Variants in PCDHGB1 observed in about 807,000 individuals in gnomAD.
PCDHGB1 encodes protocadherin gamma-B1.
A neutral mutation model predicts 56.6 loss-of-function variants in PCDHGB1; 34 were observed. That is an observed-to-expected ratio of 0.60 (90% CI 0.46 to 0.80). The LOEUF (loss-of-function observed/expected upper bound fraction) is 0.80, where lower values mean the gene tolerates loss of function less well. Among genes scored for constraint, PCDHGB1 ranks in the 30% least tolerant of loss-of-function variants. The pLI, the probability that PCDHGB1 is intolerant of heterozygous loss-of-function variation, is 0.00. For synonymous variants in PCDHGB1, 561 were observed against 505.9 expected (o/e 1.11, Z -1.46); for missense variants, 1,278 against 1,204.6 (o/e 1.06, Z -0.90).
At chr5:141,362,069 C>T in intron 1 of PCDHGB1, 1 of 1,612,628 alleles carries the variant, frequency 6.2e-7, no homozygotes, top group African/African-American at 1.3e-5. Context: ...CTGCTGGTCG[C>T]TGTGCGTGAT....
rs200368368 is a variant in PCDHGB1 at position 141,371,922 on chromosome 5, C to T, written c.2409+19253C>T. 2.5e-4 allele frequency: 410 copies of T among 1,613,228 alleles called. No individual in the cohort carries two copies. The highest frequency in any genetic ancestry group is 3.3e-4 in the Non-Finnish European group (394 of 1,179,902). On this transcript the variant is annotated intron_variant, in intron 1 of 3. Transcript: ENST00000523390. ...GTCGTCCTACGTGTCCGTGAGCGCG[C>T]GGAGCGGGGTGGTGTTCGCGCAGCG...
intron 3 of PCDHGB1, among the ~76,000 whole-genome samples, chr5:141,510,089 C>G (rs2099879446): frequency 6.6e-6 from 1 of 152,136 alleles, no homozygotes; most frequent in African/African-American, 2.4e-5. Flanking sequence ...GCCTGGCACA[C>G]AGTAGGTGCT....
rs1011504923 is a variant in PCDHGB1, at chr5:141,408,109, C to A, written c.2409+55440C>A. ...GGATTGCCAGCTCCGAGACCCGGGA[C>A]TCCTCCTGTCCTGGGCCGAATGCTC... is the stretch of plus-strand genomic sequence containing the variant. On this transcript the variant is annotated intron_variant, in intron 1 of 3. Transcript: ENST00000523390. 6 of 1,445,662 alleles carry A rather than the reference C, an allele frequency of 4.2e-6. No homozygotes were observed. In the African/African-American group the frequency reaches 5.7e-5, roughly 14 times the overall value. 89.6% of individuals were successfully genotyped at this position (1,445,662 alleles called of 1,614,324 possible). A position where few individuals can be genotyped will look rare whatever the true frequency, so the allele number is the denominator to read the frequency against.
At position 141,350,393 on chromosome 5, in the gene PCDHGB1, G is replaced by C. The variant is rs551145874; in HGVS notation, c.133G>C (p.Val45Leu). The C allele has an allele frequency of 3.1e-6, 5 of 1,599,084 alleles. No individual in the cohort carries two copies. Among genetic ancestry groups the C allele is most frequent in the Middle Eastern group, 1.7e-4 (1 of 5,994 alleles). The change falls in exon 1 of 4, where the codon GTG (valine) becomes CTG (leucine). Residue 45 changes from valine (V) to leucine (L), a missense_variant. Transcript: ENST00000523390. ...AGAGGAGCTAGCCAACGGCTCACGG[G>C]TGGGGAAACTTGCCAAGGATCTGGG... Reference protein sequence around the residue: ...IPEELANGSRVGKLAKDLGLS... With the variant: ...IPEELANGSRLGKLAKDLGLS...
chr5:141,422,838 C>T (rs201218542), intron 1 of PCDHGB1: 182 of 1,614,252 alleles, frequency 1.1e-4, no homozygotes, highest in Middle Eastern at 1.6e-4. Context: ...TAGCACGTGA[C>T]AGCGGGGACC....
intron 1 of PCDHGB1, chr5:141,385,052 G>T (rs559398944): frequency 1.2e-6 from 2 of 1,614,152 alleles, no homozygotes; most frequent in South Asian, 2.2e-5. Context: ...AGGCTGCGGC[G>T]CTGGCACAAG....
intron 1 of PCDHGB1, chr5:141,365,030 G>T: frequency 1.2e-6 from 2 of 1,613,856 alleles, no homozygotes; most frequent in Non-Finnish European, 1.7e-6. Context: ...TACGGTCCTC[G>T]ACGCAAACGA....
In PCDHGB1 at chr5:141,491,727, G is replaced by C; in HGVS notation, c.2410-3080G>C. On this transcript the variant is annotated intron_variant, in intron 1 of 3. Transcript: ENST00000523390. This position sits in a 1 kb window ranked among gnomAD's most constrained non-coding sequence, Gnocchi z 6.9. ...TGAGGGGCTCGGCGCCGCCCCGGGC[G>C]ACCCCTGGGGGCGGCACTGGAGAAG... 6.2e-7 allele frequency: 1 copy of C among 1,604,916 alleles called. No individual in the cohort carries two copies. The highest frequency in any genetic ancestry group is 8.5e-7 in the Non-Finnish European group (1 of 1,176,284).
rs143779180 is a variant in PCDHGB1, at chr5:141,485,438, C to T, written c.2410-9369C>T. Reference sequence around the variant, plus strand: ...CAGCGGAGCCCTGCTCATCAAGAACCCAATCGACCGAGAGGCACTGTGTGG... The same window carrying T: ...CAGCGGAGCCCTGCTCATCAAGAACTCAATCGACCGAGAGGCACTGTGTGG... On this transcript the variant is annotated intron_variant, in intron 1 of 3. Transcript: ENST00000523390. This position sits in a 1 kb window ranked among gnomAD's most constrained non-coding sequence, Gnocchi z 5.7. 2.9e-5 allele frequency: 47 copies of T among 1,614,052 alleles called. No individual in the cohort carries two copies. The highest frequency in any genetic ancestry group is 4.0e-5 in the African/African-American group (3 of 74,924).
chr5:141,438,983 T>C (rs1296267457), intron 1 of PCDHGB1, among the ~76,000 whole-genome samples: 1 of 151,930 alleles, frequency 6.6e-6, no homozygotes, highest in Non-Finnish European at 1.5e-5. Context: ...TGACTTATCT[T>C]AAAAGGCTAA....
chr5:141,375,314 G>A, intron 1 of PCDHGB1: 1 of 1,613,798 alleles, frequency 6.2e-7, no homozygotes, highest in South Asian at 1.1e-5. Flanking sequence ...TGCAGCTCTA[G>A]ACCGGGAAGA....
At position 141,410,559 on chromosome 5, in the gene PCDHGB1, G is replaced by A. The variant is rs1239897819; in HGVS notation, c.2409+57890G>A. 9.9e-6 allele frequency: 16 copies of A among 1,612,722 alleles called. No individual in the cohort carries two copies. Among genetic ancestry groups the A allele is most frequent in the African/African-American group, 5.3e-5 (4 of 74,894 alleles). On this transcript the variant is annotated intron_variant, in intron 1 of 3. Transcript: ENST00000523390. ...GACATGGTTTGCAGTGTTTCTCCTG[G>A]AGCCTTAATTCCACCTCATGGTGGG...
At chr5:141,371,560 AC>A in intron 1 of PCDHGB1, 1 of 1,613,892 alleles carries the variant, frequency 6.2e-7, no homozygotes, top group Non-Finnish European at 8.5e-7. Flanking sequence ...CTAAAAGGAA[AC>A]TTCCCCTTTA....
Position 141,490,820 on chromosome 5 carries a change from T to G in PCDHGB1, c.2410-3987T>G. On this transcript the variant is annotated intron_variant, in intron 1 of 3. Transcript: ENST00000523390. The surrounding 1 kb of genome is among the most constrained non-coding windows in gnomAD (Gnocchi z 5.4). ...CAGCGTACCTTTGACTATGAATTGC[T>G]GCAGATGCTGCAGATTGTGGTGGGG... 6.2e-7 allele frequency: 1 copy of G among 1,613,820 alleles called. No homozygotes were observed. Among genetic ancestry groups the G allele is most frequent in the Non-Finnish European group, 8.5e-7 (1 of 1,179,768 alleles).
chr5:141,376,351 G>A (rs1333788917), intron 1 of PCDHGB1: 4 of 1,614,178 alleles, frequency 2.5e-6, no homozygotes, highest in Non-Finnish European at 3.4e-6. Context: ...ATTCCCACGA[G>A]GTCTCACTCA....
At chr5:141,418,899 T>C (rs1320380997) in intron 1 of PCDHGB1, 1 of 1,613,944 alleles carries the variant, frequency 6.2e-7, no homozygotes. Flanking sequence ...AGCCCAGAAA[T>C]AATCATCACG....
chr5:141,403,482 A>C (rs764737675), intron 1 of PCDHGB1: 2 of 1,613,892 alleles, frequency 1.2e-6, no homozygotes, highest in Non-Finnish European at 1.7e-6. Flanking sequence ...CCCAATCACC[A>C]CTTCTCCCTG....
intron 1 of PCDHGB1, chr5:141,383,041 A>C: frequency 6.2e-7 from 1 of 1,613,860 alleles, no homozygotes; most frequent in Non-Finnish European, 8.5e-7. Context: ...TGTGGGAGAC[A>C]TCGCCAAGGA....
intron 1 of PCDHGB1, among the ~76,000 whole-genome samples, chr5:141,461,917 G>A (rs527287831): frequency 6.6e-6 from 1 of 152,098 alleles, no homozygotes; most frequent in South Asian, 2.1e-4. Flanking sequence ...TCTGCCTCCT[G>A]GGTTCCAGCA....
Sources: allele counts gnomAD v4.1 joint callset (sites outside exome capture counted in the v4.1 genomes callset), GRCh38; gene constraint gnomAD v4.1.1; non-coding constraint Gnocchi (gnomAD v3.1); transcripts MANE v1.5; gene names NCBI Gene and HGNC (gene_info 2026-07-23, HGNC 2026-07-21).